EXOC6B: variants seen among roughly 807,000 people sequenced by gnomAD.
EXOC6B encodes the protein exocyst complex component 6B.
Under a neutral mutation model 113.5 loss-of-function variants are expected in EXOC6B, and 54 were observed. The ratio of observed to expected loss-of-function variants is 0.48; its 90% confidence interval spans 0.38 to 0.60. The LOEUF (loss-of-function observed/expected upper bound fraction) is 0.60. EXOC6B is among the 20% of genes least tolerant of loss of function. The pLI is 0.00. For synonymous variants in EXOC6B, 357 were observed against 339.0 expected (o/e 1.05, Z -0.58); for missense variants, 797 against 977.5 (o/e 0.82, Z 2.46).
At chr2:72,247,889 A>T (rs1476507924) in intron 20 of EXOC6B, among the ~76,000 whole-genome samples, 1 of 152,162 alleles carries the variant, frequency 6.6e-6, no homozygotes, top group African/African-American at 2.4e-5. Flanking sequence ...TTGAACTTGG[A>T]TCTCTTTCTT....
At chr2:72,617,681 A>G (rs1399461266) in intron 6 of EXOC6B, among the ~76,000 whole-genome samples, 2 of 151,456 alleles carry the variant, frequency 1.3e-5, no homozygotes, top group Middle Eastern at 3.2e-3. Context: ...TGCCCTGCTA[A>G]TTTTTGTATT....
chr2:72,433,737 G>A (rs1446041169), intron 18 of EXOC6B, among the ~76,000 whole-genome samples: 2 of 152,154 alleles, frequency 1.3e-5, no homozygotes, highest in Non-Finnish European at 2.9e-5. Context: ...GAATGCTTGT[G>A]ATTTTTGCAC....
intron 18 of EXOC6B, among the ~76,000 whole-genome samples, chr2:72,391,776 G>A (rs947220818): frequency 1.3e-5 from 2 of 152,070 alleles, no homozygotes; most frequent in South Asian, 4.1e-4. Context: ...ACATGGTGGT[G>A]CACACCTGTA....
At chr2:72,384,677 T>C (rs1436463664) in intron 18 of EXOC6B, among the ~76,000 whole-genome samples, 11 of 152,048 alleles carry the variant, frequency 7.2e-5, no homozygotes, top group Admixed American at 1.3e-4. Context: ...AGTTGCAGGA[T>C]ACAAAATAAA....
chr2:72,742,160 G>A (rs1466386824), intron 1 of EXOC6B, among the ~76,000 whole-genome samples: 13 of 151,984 alleles, frequency 8.6e-5, no homozygotes, highest in African/African-American at 2.2e-4. Flanking sequence ...CACCAGTAAC[G>A]ATAAAATAAG....
chr2:72,509,536 T>G (rs1700783362), intron 11 of EXOC6B, among the ~76,000 whole-genome samples: 2 of 152,108 alleles, frequency 1.3e-5, no homozygotes, highest in African/African-American at 4.8e-5. Flanking sequence ...GAAGAACACA[T>G]AAATTATAAA....
At chr2:72,475,412 C>T (rs1698676059) in intron 17 of EXOC6B, among the ~76,000 whole-genome samples, 1 of 152,122 alleles carries the variant, frequency 6.6e-6, no homozygotes, top group Non-Finnish European at 1.5e-5. Context: ...GGTCTCCAGG[C>T]ACACAGGTGG....
At chr2:72,753,355 A>C (rs1682185423) in intron 1 of EXOC6B, among the ~76,000 whole-genome samples, 1 of 152,050 alleles carries the variant, frequency 6.6e-6, no homozygotes, top group Admixed American at 6.6e-5. Context: ...CTAAACTAGA[A>C]ATATGTACAT....
intron 19 of EXOC6B, among the ~76,000 whole-genome samples, chr2:72,355,713 A>G (rs1294560162): frequency 6.6e-6 from 1 of 152,222 alleles, no homozygotes; most frequent in African/African-American, 2.4e-5. Flanking sequence ...TTTTAAAATT[A>G]TAATTCAGAA....
chr2:72,351,147 T>A (rs192439474), intron 19 of EXOC6B, among the ~76,000 whole-genome samples: 3 of 152,208 alleles, frequency 2.0e-5, no homozygotes, highest in Admixed American at 2.0e-4. Flanking sequence ...TGAGGAGACC[T>A]GAAATTCTCC....
intron 8 of EXOC6B, among the ~76,000 whole-genome samples, chr2:72,528,206 T>C (rs1701829064): frequency 6.6e-6 from 1 of 152,110 alleles, no homozygotes; most frequent in Admixed American, 6.5e-5. Flanking sequence ...AAGTTCATAA[T>C]CCATTTTGTA....
At chr2:72,694,349 G>A (rs1250275237) in intron 6 of EXOC6B, among the ~76,000 whole-genome samples, 4 of 152,176 alleles carry the variant, frequency 2.6e-5, no homozygotes, top group Non-Finnish European at 5.9e-5. Context: ...AACTGAGGCA[G>A]GAGAATCGCT....
chr2:72,725,480 T>C (rs1338331601), intron 5 of EXOC6B, among the ~76,000 whole-genome samples: 2 of 151,954 alleles, frequency 1.3e-5, no homozygotes, highest in Non-Finnish European at 2.9e-5. Context: ...AACCTCCGCC[T>C]CCCTGGTTCA....
chr2:72,667,722 C>G (rs1675493274), intron 6 of EXOC6B, among the ~76,000 whole-genome samples: 1 of 152,172 alleles, frequency 6.6e-6, no homozygotes, highest in Non-Finnish European at 1.5e-5. Context: ...CAAAAATTCA[C>G]TCAAGATGGA....
chr2:72,776,434 T>G (rs1179030168), intron 1 of EXOC6B, among the ~76,000 whole-genome samples: 2 of 151,966 alleles, frequency 1.3e-5, no homozygotes, highest in African/African-American at 4.8e-5. Flanking sequence ...CTGGGCAACA[T>G]GGAGAAACCT....
Position 72,773,120 on chromosome 2 carries a change from CT to C in EXOC6B, c.114-31652del, listed in dbSNP as rs1254377634. Among the ~76,000 whole-genome samples, 542 of 94,880 alleles carry C rather than the reference CT, an allele frequency of 5.7e-3. 2 individuals are homozygous for C. The highest frequency in any genetic ancestry group is 0.018 in the African/African-American group (392 of 21,318). The allele number at this position is 94,880 out of a possible 152,430, so 62.2% of individuals were successfully genotyped here. ...GCTAAGACAGTAGACCTTAGATTTT[CT>C]TTTTTTTTTTTTTTTTTTTTTGTGA... On this transcript the variant is annotated intron_variant, in intron 1 of 21. Coordinates refer to ENST00000272427, the MANE Select transcript of EXOC6B (RefSeq NM_015189.3).
At chr2:72,370,110 C>T (rs915870597) in intron 19 of EXOC6B, among the ~76,000 whole-genome samples, 47 of 152,244 alleles carry the variant, frequency 3.1e-4, no homozygotes, top group African/African-American at 1.1e-3. Flanking sequence ...GTAATCTACT[C>T]ATCTGACAAA....
intron 18 of EXOC6B, among the ~76,000 whole-genome samples, chr2:72,396,298 A>G (rs1692721009): frequency 6.6e-6 from 1 of 152,116 alleles, no homozygotes; most frequent in Non-Finnish European, 1.5e-5. Flanking sequence ...GCACCAAAAT[A>G]TGTTAACAAT....
intron 6 of EXOC6B, among the ~76,000 whole-genome samples, chr2:72,687,238 ATTAC>A (rs1163300074): frequency 1.3e-5 from 2 of 152,138 alleles, no homozygotes; most frequent in African/African-American, 4.8e-5. Context: ...GTAAGAAATA[ATTAC>A]TTGAAATATT....
Sources: allele counts gnomAD v4.1 joint callset (sites outside exome capture counted in the v4.1 genomes callset), GRCh38; gene constraint gnomAD v4.1.1; transcripts MANE v1.5; gene names NCBI Gene and HGNC (gene_info 2026-07-23, HGNC 2026-07-21).